Variants in CNOT6L observed in about 807,000 individuals in gnomAD.
The protein encoded by CNOT6L is CCR4-NOT transcription complex subunit 6 like.
A neutral mutation model predicts 64.0 loss-of-function variants in CNOT6L; 7 were observed. That is an observed-to-expected ratio of 0.11 (90% CI 0.06 to 0.21). The LOEUF (loss-of-function observed/expected upper bound fraction) is 0.21, where lower values mean the gene tolerates loss of function less well. CNOT6L is among the 10% of genes least tolerant of loss of function. The pLI is 1.00. For missense variants in CNOT6L, 245 were observed against 669.0 expected (o/e 0.37, Z 6.99); for synonymous variants, 193 against 243.4 (o/e 0.79, Z 1.93).
intron 1 of CNOT6L, among the ~76,000 whole-genome samples, chr4:77,778,848 T>C (rs1475192731): frequency 6.6e-6 from 1 of 150,800 alleles, no homozygotes; most frequent in Non-Finnish European, 1.5e-5. Context: ...ATCGAGACCA[T>C]CCTGGCTAAC....
chr4:77,756,790 C>A, intron 5 of CNOT6L, 72 bp downstream of exon 5: 1 of 928,226 alleles, frequency 1.1e-6, no homozygotes, highest in Non-Finnish European at 1.7e-6. Flanking sequence ...GTCAGATGCT[C>A]TTGAGGAACA....
chr4:77,733,943 TCAA>T (rs1722696832), intron 8 of CNOT6L, among the ~76,000 whole-genome samples: 1 of 152,142 alleles, frequency 6.6e-6, no homozygotes, highest in African/African-American at 2.4e-5. Flanking sequence ...TTAAATTTGC[TCAA>T]CAAATTTAAA....
In CNOT6L at chr4:77,716,631, A is replaced by G. The variant is rs1560565606; in HGVS notation, c.*3800T>C. On this transcript the variant is annotated 3_prime_UTR_variant, in exon 12 of 12. Transcript: ENST00000504123. ...CCAGTTTTAATGTGCCACATCCTCA[A>G]TTCTAATATAATCTACCATAGAATC... is the stretch of plus-strand genomic sequence containing the variant. 6 of 152,504 alleles carry G rather than the reference A, an allele frequency of 3.9e-5. No homozygotes were observed. The allele number at this position is 152,504 out of a possible 1,614,324, so 9.4% of individuals were successfully genotyped here. A position where few individuals can be genotyped will look rare whatever the true frequency, so the allele number is the denominator to read the frequency against.
chr4:77,789,647 G>A (rs2110104733), intron 1 of CNOT6L, among the ~76,000 whole-genome samples: 1 of 150,560 alleles, frequency 6.6e-6, no homozygotes, highest in Non-Finnish European at 1.5e-5. Flanking sequence ...GCGACAGAGG[G>A]AAACCCCGCC....
intron 4 of CNOT6L, among the ~76,000 whole-genome samples, chr4:77,761,806 A>G (rs999841033): frequency 3.9e-5 from 6 of 152,290 alleles, no homozygotes; most frequent in African/African-American, 1.2e-4. Flanking sequence ...TTAAAAATAC[A>G]TATCAGAAAG....
chr4:77,808,523 C>T (rs1028677758), intron 1 of CNOT6L, among the ~76,000 whole-genome samples: 11 of 150,936 alleles, frequency 7.3e-5, no homozygotes, highest in African/African-American at 2.7e-4. Context: ...CCTATCCTAG[C>T]CCACAGTAGG....
intron 4 of CNOT6L, among the ~76,000 whole-genome samples, chr4:77,770,844 A>C (rs535283170): frequency 6.6e-6 from 1 of 152,218 alleles, no homozygotes; most frequent in Non-Finnish European, 1.5e-5. Context: ...AACTAGAAAA[A>C]CTGAATGAAG....
At chr4:77,798,212 G>A (rs1488465410) in intron 1 of CNOT6L, among the ~76,000 whole-genome samples, 5 of 152,190 alleles carry the variant, frequency 3.3e-5, no homozygotes, top group Admixed American at 3.3e-4. Flanking sequence ...TTACTCAGGA[G>A]GCTGAGGCAG....
chr4:77,819,515 C>T, upstream of CNOT6L: 2 of 980,340 alleles, frequency 2.0e-6, no homozygotes, highest in Non-Finnish European at 2.8e-6. Flanking sequence ...ACACAGGGCC[C>T]GTAACCGGGG....
chr4:77,727,915 T>C (rs1366219325), intron 10 of CNOT6L, among the ~76,000 whole-genome samples: 2 of 152,220 alleles, frequency 1.3e-5, no homozygotes, highest in Non-Finnish European at 2.9e-5. Context: ...TTTTTTAATA[T>C]TCCAAGTGTA....
chr4:77,743,881 C>T (rs1224085326), intron 7 of CNOT6L, among the ~76,000 whole-genome samples: 1 of 151,976 alleles, frequency 6.6e-6, no homozygotes, highest in African/African-American at 2.4e-5. Flanking sequence ...GGACTATAGG[C>T]GTGAGCCACC....
intron 1 of CNOT6L, among the ~76,000 whole-genome samples, chr4:77,812,497 G>A (rs970197912): frequency 1.3e-5 from 2 of 149,844 alleles, no homozygotes; most frequent in South Asian, 2.1e-4. Flanking sequence ...TGGAGGATAC[G>A]AGATCAACAA....
chr4:77,819,196 A>G (rs536752989), intron 1 of CNOT6L, 108 bp downstream of exon 1: 43 of 1,606,228 alleles, frequency 2.7e-5, no homozygotes, highest in Non-Finnish European at 3.5e-5. Context: ...CAAAGTCCCA[A>G]CTCGCACACC....
chr4:77,760,487 CT>C (rs1413737791), intron 4 of CNOT6L, among the ~76,000 whole-genome samples: 7 of 151,478 alleles, frequency 4.6e-5, no homozygotes, highest in Admixed American at 4.6e-4. Flanking sequence ...GCTTTAAATG[CT>C]GATATTAGAA....
At chr4:77,738,359 C>A (rs950257503) in intron 8 of CNOT6L, among the ~76,000 whole-genome samples, 18 of 152,152 alleles carry the variant, frequency 1.2e-4, no homozygotes, top group Non-Finnish European at 2.1e-4. Context: ...TATTTTCCCC[C>A]ACTATTAAGT....
In CNOT6L at chr4:77,718,851, C is replaced by T. The variant is rs1041431923; in HGVS notation, c.*1580G>A. On this transcript the variant is annotated 3_prime_UTR_variant, in exon 12 of 12. Transcript: ENST00000504123. ...GGAGACAAATTGTGTATATTTAAAACTAATTAAATAATTTAAATTTGACCT... is the reference window on the plus strand; with the variant it reads ...GGAGACAAATTGTGTATATTTAAAATTAATTAAATAATTTAAATTTGACCT... The T allele has an allele frequency of 3.3e-5, 5 of 152,458 alleles. No individual in the cohort carries two copies. Among genetic ancestry groups the T allele is most frequent in the African/African-American group, 1.2e-4 (5 of 41,400 alleles). The allele number at this position is 152,458 out of a possible 1,614,324, so 9.4% of individuals were successfully genotyped here.
chr4:77,720,294 A>T lies in CNOT6L; in HGVS notation c.*137T>A, dbSNP rs548107152. The T allele has an allele frequency of 2.2e-6, 2 of 905,066 alleles. No individual in the cohort carries two copies. The highest frequency in any genetic ancestry group is 1.7e-6 in the Non-Finnish European group (1 of 596,792). 56.1% of individuals were successfully genotyped at this position (905,066 alleles called of 1,614,324 possible). ...TACCAATATGCACAAAAATGTACAA[A>T]GTCTTACAGCAAACACATAATGAAA... On this transcript the variant is annotated 3_prime_UTR_variant, in exon 12 of 12. Transcript: ENST00000504123.
At chr4:77,735,886 T>C (rs540374482) in intron 8 of CNOT6L, among the ~76,000 whole-genome samples, 1 of 152,304 alleles carries the variant, frequency 6.6e-6, no homozygotes, top group African/African-American at 2.4e-5. Context: ...TTCATTAAAC[T>C]TTTTTAAAAA....
intron 1 of CNOT6L, among the ~76,000 whole-genome samples, chr4:77,806,212 G>A (rs1333890190): frequency 1.3e-5 from 2 of 152,130 alleles, no homozygotes; most frequent in African/African-American, 4.8e-5. Context: ...GATCACCTGA[G>A]ATTGGGAGTT....
Sources: allele counts gnomAD v4.1 joint callset (sites outside exome capture counted in the v4.1 genomes callset), GRCh38; gene constraint gnomAD v4.1.1; transcripts MANE v1.5; gene names NCBI Gene and HGNC (gene_info 2026-07-23, HGNC 2026-07-21).